ERBB4: variants seen among roughly 807,000 people sequenced by gnomAD.
ERBB4 encodes the protein erb-b2 receptor tyrosine kinase 4, also known as receptor tyrosine-protein kinase erbB-4.
In ERBB4, 42 loss-of-function variants were observed where a neutral mutation model predicts 158.0. The observed-to-expected ratio is 0.27, with a 90% confidence interval of 0.21 to 0.34. The LOEUF (loss-of-function observed/expected upper bound fraction) is 0.34, where lower values mean the gene tolerates loss of function less well. ERBB4 is among the 10% of genes least tolerant of loss of function. The pLI is 1.00. For missense variants in ERBB4, 1,333 were observed against 1,624.1 expected, an observed-to-expected ratio of 0.82 and a Z score of 3.08; for synonymous variants, 583 against 558.7, an observed-to-expected ratio of 1.04 and a Z score of -0.61.
chr2:212,536,315 T>C (rs998883830), intron 1 of ERBB4, among the ~76,000 whole-genome samples: 1 of 149,514 alleles, frequency 6.7e-6, no homozygotes, highest in East Asian at 2.0e-4. Context: ...AGGGTGGGGG[T>C]GGGGGAGGAT....
chr2:211,391,366 T>C (rs2062794984), intron 25 of ERBB4, among the ~76,000 whole-genome samples: 5 of 152,356 alleles, frequency 3.3e-5, no homozygotes, highest in Admixed American at 3.3e-4. Context: ...GCTTTTGTTT[T>C]TCCATTGTGC....
At chr2:212,476,111 TC>T (rs1689375760) in intron 1 of ERBB4, among the ~76,000 whole-genome samples, 1 of 149,920 alleles carries the variant, frequency 6.7e-6, no homozygotes, top group Admixed American at 6.7e-5. Flanking sequence ...ACATGCCACA[TC>T]CCCACCAAAC....
At chr2:212,427,060 A>C (rs897891866) in intron 1 of ERBB4, among the ~76,000 whole-genome samples, 1 of 152,160 alleles carries the variant, frequency 6.6e-6, no homozygotes, top group African/African-American at 2.4e-5. Context: ...TTTAGTAGGA[A>C]ATCAATTTGT....
intron 25 of ERBB4, among the ~76,000 whole-genome samples, chr2:211,415,608 T>C (rs1463794928): frequency 1.3e-5 from 2 of 151,148 alleles, no homozygotes; most frequent in African/African-American, 4.9e-5. Context: ...TCATGGTTAA[T>C]TACAGTGTGT....
At chr2:212,098,019 T>A (rs557698024) in intron 2 of ERBB4, among the ~76,000 whole-genome samples, 9 of 152,154 alleles carry the variant, frequency 5.9e-5, no homozygotes, top group African/African-American at 2.2e-4. Flanking sequence ...GTGAGCAGAA[T>A]AAAATACTAT....
intron 3 of ERBB4, among the ~76,000 whole-genome samples, chr2:211,798,981 G>C (rs916202168): frequency 2.0e-5 from 3 of 152,034 alleles, no homozygotes; most frequent in Admixed American, 6.6e-5. Flanking sequence ...ACAGCATTTA[G>C]AGCTGCTAGA....
chr2:211,988,301 A>T (rs58791698), intron 2 of ERBB4, among the ~76,000 whole-genome samples: 2,440 of 152,224 alleles, frequency 0.016, 41 homozygotes, highest in South Asian at 0.048. Flanking sequence ...TACTAGTTTT[A>T]TAATCTTGGG....
intron 2 of ERBB4, among the ~76,000 whole-genome samples, chr2:211,993,666 A>G (rs2082131869): frequency 6.6e-6 from 1 of 151,862 alleles, no homozygotes. Context: ...CTCCAAGCAT[A>G]CTATAATTTT....
chr2:211,922,429 A>T (rs1340846165), intron 3 of ERBB4, among the ~76,000 whole-genome samples: 1 of 152,144 alleles, frequency 6.6e-6, no homozygotes, highest in Non-Finnish European at 1.5e-5. Flanking sequence ...GAAGAATTAC[A>T]TTATAGTTTA....
chr2:212,164,178 C>T (rs537850353), intron 1 of ERBB4, among the ~76,000 whole-genome samples: 1 of 151,964 alleles, frequency 6.6e-6, no homozygotes, highest in East Asian at 1.9e-4. Context: ...TAGCGCTGCA[C>T]TGTCCAATAC....
intron 2 of ERBB4, among the ~76,000 whole-genome samples, chr2:212,118,678 A>G (rs1192485241): frequency 6.6e-6 from 1 of 152,064 alleles, no homozygotes. Context: ...TTTCTCTGGT[A>G]GAGAAAAATA....
intron 1 of ERBB4, among the ~76,000 whole-genome samples, chr2:212,410,112 T>C (rs542644130): frequency 6.6e-6 from 1 of 152,164 alleles, no homozygotes; most frequent in South Asian, 2.1e-4. Flanking sequence ...ATTTTAAAGA[T>C]AGAAGTGACA....
At chr2:211,684,365 C>T (rs190519291) in intron 12 of ERBB4, among the ~76,000 whole-genome samples, 25 of 152,174 alleles carry the variant, frequency 1.6e-4, no homozygotes, top group Non-Finnish European at 2.8e-4. Context: ...GAGGGAGAAT[C>T]GCTTGAAACC....
chr2:211,543,804 A>G (rs1356165555), intron 20 of ERBB4, among the ~76,000 whole-genome samples: 5 of 151,894 alleles, frequency 3.3e-5, no homozygotes, highest in African/African-American at 4.8e-5. Context: ...GAAGTTTTCA[A>G]TAATGTTTCT....
chr2:212,099,294 A>C (rs2079017276), intron 2 of ERBB4, among the ~76,000 whole-genome samples: 1 of 151,988 alleles, frequency 6.6e-6, no homozygotes, highest in Non-Finnish European at 1.5e-5. Flanking sequence ...AAAAATTCTT[A>C]TTCCTGAAAC....
chr2:211,505,235 C>T (rs2065715241), intron 20 of ERBB4, among the ~76,000 whole-genome samples: 1 of 151,922 alleles, frequency 6.6e-6, no homozygotes, highest in Non-Finnish European at 1.5e-5. Context: ...AAAATTCCCT[C>T]AGACTAACAA....
chr2:211,563,482 A>C (rs938060250), intron 19 of ERBB4, among the ~76,000 whole-genome samples: 2 of 152,212 alleles, frequency 1.3e-5, no homozygotes, highest in Non-Finnish European at 2.9e-5. Context: ...GGAGAAACGT[A>C]AAAGAAGTGT....
chr2:212,088,212 G>A (rs2078672346), intron 2 of ERBB4, among the ~76,000 whole-genome samples: 1 of 152,020 alleles, frequency 6.6e-6, no homozygotes, highest in South Asian at 2.1e-4. Context: ...TAACATCAAA[G>A]GGTTATTGAA....
intron 1 of ERBB4, among the ~76,000 whole-genome samples, chr2:212,366,708 A>G (rs1283320513): frequency 6.6e-6 from 1 of 152,068 alleles, no homozygotes; most frequent in Non-Finnish European, 1.5e-5. Context: ...GAATAATATT[A>G]TCAAGAATAG....
Sources: gnomAD v4.1 joint callset for allele counts (sites outside exome capture counted in the v4.1 genomes callset) on GRCh38, gnomAD v4.1.1 for gene constraint, MANE v1.5 for transcripts, NCBI Gene and HGNC (gene_info 2026-07-23, HGNC 2026-07-21) for gene names.